Variants in NCOR1 observed in about 807,000 individuals in gnomAD.
NCOR1 encodes protein phosphatase 1, regulatory subunit 109.
In NCOR1, 63 loss-of-function variants were observed where a neutral mutation model predicts 288.1. That is an observed-to-expected ratio of 0.22 (90% CI 0.18 to 0.27). The LOEUF (loss-of-function observed/expected upper bound fraction) is 0.27, where lower values mean the gene tolerates loss of function less well. NCOR1 is among the 10% of genes least tolerant of loss of function. The pLI, the probability that NCOR1 is intolerant of heterozygous loss-of-function variation, is 1.00. For missense variants in NCOR1, 2,397 were observed against 3,019.2 expected, an observed-to-expected ratio of 0.79 and a Z score of 4.83; for synonymous variants, 1,007 against 1,065.9, an observed-to-expected ratio of 0.94 and a Z score of 1.08.
At chr17:16,084,704 G>A (rs1454652881) in intron 23 of NCOR1, among the ~76,000 whole-genome samples, 6 of 152,088 alleles carry the variant, frequency 3.9e-5, no homozygotes, top group Admixed American at 2.6e-4. Flanking sequence ...GAACTGAAGC[G>A]ATCAAATGAG....
At chr17:16,090,447 A>C (rs545182777) in intron 22 of NCOR1, among the ~76,000 whole-genome samples, 221 of 152,292 alleles carry the variant, frequency 1.5e-3, no homozygotes, top group Non-Finnish European at 2.6e-3. Context: ...GATGTCCATT[A>C]ATACCCTGTA....
chr17:16,173,845 C>T (rs797003612), intron 3 of NCOR1, among the ~76,000 whole-genome samples: 4 of 152,022 alleles, frequency 2.6e-5, no homozygotes, highest in East Asian at 1.9e-4. Context: ...GCGGAAGAAT[C>T]GCTTGAACCC....
At chr17:16,074,245 A>C (rs182672188) in intron 27 of NCOR1, among the ~76,000 whole-genome samples, 1 of 152,294 alleles carries the variant, frequency 6.6e-6, no homozygotes, top group East Asian at 1.9e-4. Context: ...AGGGGTTTGC[A>C]GTTATATCCA....
chr17:16,163,871 A>G (rs905044998), intron 5 of NCOR1, among the ~76,000 whole-genome samples: 2 of 152,220 alleles, frequency 1.3e-5, no homozygotes, highest in Admixed American at 1.3e-4. Context: ...TCAGGACAAC[A>G]TGCTAAATAA....
At chr17:16,040,626 T>A in intron 42 of NCOR1, 132 bp from the exon 43 acceptor site, 1 of 820,256 alleles carries the variant, frequency 1.2e-6, no homozygotes, top group Non-Finnish European at 2.0e-6. Flanking sequence ...TCTCACCCAT[T>A]AAGTGAAGAT....
rs1329840433 is a variant in NCOR1, at chr17:16,030,361, T to C, written c.*1935A>G. ...CCCACACAGTTCAAACCCGTGTTGT[T>C]CAAGGGTCAACTGTATTCTGACTCA... On this transcript the variant is annotated 3_prime_UTR_variant, in exon 46 of 46. Transcript: ENST00000268712. 1.4e-5 allele frequency: 3 copies of C among 217,522 alleles called. No individual in the cohort carries two copies. The highest frequency in any genetic ancestry group is 1.9e-5 in the Non-Finnish European group (2 of 108,090). 13.5% of individuals were successfully genotyped at this position (217,522 alleles called of 1,614,324 possible).
At chr17:16,084,612 G>A (rs2063923542) in intron 23 of NCOR1, among the ~76,000 whole-genome samples, 1 of 152,180 alleles carries the variant, frequency 6.6e-6, no homozygotes. Context: ...CTGACAAAAC[G>A]ATGAACAAGT....
At position 16,080,502 on chromosome 17, in the gene NCOR1, C is replaced by T. The variant is rs1598320187; in HGVS notation, c.3306G>A (p.Leu1102=). ...RQQESAKSAT[L]PYIKQEEFSP... is the part of the protein sequence containing the mutation. ...AAAATTCTTCCTGCTTGATGTAGGG[C>T]AAAGTAGCTGTGGAAAGGCAGAGAA... Residue 1102 remains leucine, a synonymous_variant, in exon 25 of 46, where the codon TTG becomes TTA. Transcript: ENST00000268712. 6.2e-7 allele frequency: 1 copy of T among 1,613,994 alleles called. No homozygotes were observed. The highest frequency in any genetic ancestry group is 8.5e-7 in the Non-Finnish European group (1 of 1,179,994).
chr17:16,137,035 T>C (rs1019400170), intron 14 of NCOR1, among the ~76,000 whole-genome samples: 2 of 152,138 alleles, frequency 1.3e-5, no homozygotes, highest in African/African-American at 4.8e-5. Context: ...TACATGATTA[T>C]TGCTGACACT....
At chr17:16,115,003 C>G (rs1384192759) in intron 18 of NCOR1, among the ~76,000 whole-genome samples, 1 of 152,158 alleles carries the variant, frequency 6.6e-6, no homozygotes, top group Non-Finnish European at 1.5e-5. Context: ...CTGTAGCAAA[C>G]TTCTGCTTGA....
intron 18 of NCOR1, among the ~76,000 whole-genome samples, chr17:16,110,057 A>AAAT (rs1253817220): frequency 6.6e-6 from 1 of 152,174 alleles, no homozygotes; most frequent in East Asian, 1.9e-4. Context: ...CTTTTACTAT[A>AAAT]AAAAAGCACA....
In NCOR1 at chr17:16,199,216, A is replaced by ACACACAC. The variant is rs1555813813; in HGVS notation, c.-70-4578_-70-4577insGTGTGTG. 2.8e-3 allele frequency among the ~76,000 whole-genome samples: 345 copies of ACACACAC among 122,312 alleles called. 7 individuals are homozygous for ACACACAC. In the East Asian group the frequency reaches 0.055, roughly 19 times the overall value. 80.2% of individuals were successfully genotyped at this position (122,312 alleles called of 152,430 possible). A position where few individuals can be genotyped will look rare whatever the true frequency, so the allele number is the denominator to read the frequency against. On this transcript the variant is annotated intron_variant, in intron 1 of 45. Transcript: ENST00000268712. ...CCCAATACAGAAGGAAAAAAAAAAA[A>ACACACAC]ACACACACACACACACACACACACA... is the stretch of plus-strand genomic sequence containing the variant.
At chr17:16,041,706 T>TACAG (rs2057694525) in intron 42 of NCOR1, among the ~76,000 whole-genome samples, 2 of 152,046 alleles carry the variant, frequency 1.3e-5, no homozygotes, top group Non-Finnish European at 2.9e-5. Flanking sequence ...TGGGCCACTG[T>TACAG]GCTCAGCCAG....
chr17:16,041,422 T>TTTTTTTTTTTTTTG (rs71150270), intron 42 of NCOR1: 1 of 147,928 alleles, frequency 6.8e-6, no homozygotes, highest in Admixed American at 6.7e-5. Flanking sequence ...TTTTTTTTTT[T>TTTTTTTTTTTTTTG]CCTTTGAGAT....
At position 16,146,529 on chromosome 17, in the gene NCOR1, C is replaced by T. The variant is rs2078018945; in HGVS notation, c.929G>A (p.Arg310His). ...RKQREQKICQRYDQLMEAWEK... is the reference protein window; with the variant it reads ...RKQREQKICQHYDQLMEAWEK... ...CCATGCCTCCATGAGCTGATCATAACGCTGGCAGATTTTTTGTTCCTATTA... is the reference window on the plus strand; with the variant it reads ...CCATGCCTCCATGAGCTGATCATAATGCTGGCAGATTTTTTGTTCCTATTA... Residue 310 changes from arginine (R) to histidine (H), a missense_variant, in exon 10 of 46, where the codon CGT (arginine) becomes CAT (histidine). Transcript: ENST00000268712. 1.9e-6 allele frequency: 3 copies of T among 1,585,428 alleles called. No individual in the cohort carries two copies. The highest frequency in any genetic ancestry group is 2.6e-6 in the Non-Finnish European group (3 of 1,171,794).
intron 32 of NCOR1, among the ~76,000 whole-genome samples, chr17:16,067,480 T>C (rs2061265314): frequency 6.6e-6 from 1 of 152,244 alleles, no homozygotes; most frequent in Non-Finnish European, 1.5e-5. Context: ...AAAGAATTTC[T>C]TTTATATAAG....
At chr17:16,092,311 G>C (rs997130464) in intron 21 of NCOR1, among the ~76,000 whole-genome samples, 2 of 151,890 alleles carry the variant, frequency 1.3e-5, no homozygotes, top group Admixed American at 1.3e-4. Flanking sequence ...CTGGTATTTT[G>C]TATCTTTGTA....
chr17:16,133,753 T>C (rs1482701406), intron 14 of NCOR1, among the ~76,000 whole-genome samples: 1 of 152,202 alleles, frequency 6.6e-6, no homozygotes, highest in Non-Finnish European at 1.5e-5. Flanking sequence ...AGCCATGTCC[T>C]GATTTTCCCC....
intron 26 of NCOR1, among the ~76,000 whole-genome samples, chr17:16,077,130 C>T (rs1212195433): frequency 6.6e-6 from 1 of 152,252 alleles, no homozygotes; most frequent in East Asian, 1.9e-4. Context: ...GCTGTGGTGG[C>T]TTGCGCCTGT....
Sources: allele counts gnomAD v4.1 joint callset (sites outside exome capture counted in the v4.1 genomes callset), GRCh38; gene constraint gnomAD v4.1.1; transcripts MANE v1.5; gene names NCBI Gene and HGNC (gene_info 2026-07-23, HGNC 2026-07-21).